PCDHGB3: variants seen among roughly 807,000 people sequenced by gnomAD.
The protein encoded by PCDHGB3 is protocadherin gamma-B3.
Under a neutral mutation model 59.2 loss-of-function variants are expected in PCDHGB3, and 40 were observed. The ratio of observed to expected loss-of-function variants is 0.68; its 90% CI spans 0.52 to 0.88. PCDHGB3 has a LOEUF of 0.88. Among genes scored for constraint, PCDHGB3 ranks in the 40% least tolerant of loss-of-function variants. The probability of loss-of-function intolerance (pLI) is 0.00; values close to 1 mark genes in which losing one functional copy is unlikely to be tolerated. For missense variants in PCDHGB3, 1,309 were observed against 1,187.9 expected (o/e 1.10, Z -1.50); for synonymous variants, 581 against 503.6 (o/e 1.15, Z -2.06).
intron 1 of PCDHGB3, among the ~76,000 whole-genome samples, chr5:141,466,735 T>C (rs2099128254): frequency 6.6e-6 from 1 of 152,224 alleles, no homozygotes; most frequent in South Asian, 2.1e-4. Context: ...GCAGAATTCA[T>C]GTTACTCTGA....
intron 1 of PCDHGB3, among the ~76,000 whole-genome samples, chr5:141,436,122 C>T (rs909678739): frequency 4.6e-5 from 7 of 152,128 alleles, no homozygotes; most frequent in African/African-American, 7.2e-5. Flanking sequence ...AACCTCTCTC[C>T]TCCATCATCT....
At position 141,423,537 on chromosome 5, in the gene PCDHGB3, T is replaced by A. The variant is rs201034039; in HGVS notation, c.2415+50728T>A. 1.4e-4 allele frequency: 225 copies of A among 1,613,694 alleles called. 2 individuals carry two copies. In the South Asian group the frequency reaches 2.3e-3, roughly 16 times the overall value. On this transcript the variant is annotated intron_variant, in intron 1 of 3. Coordinates refer to ENST00000576222, the MANE Select transcript of PCDHGB3 (RefSeq NM_018924.5). ...CGGACTCGCAGAAGAGTCACCTGAT[T>A]TTCCCCCAGCCCAACTATGGGGACA...
intron 3 of PCDHGB3, among the ~76,000 whole-genome samples, chr5:141,510,214 A>G (rs1047332886): frequency 6.6e-6 from 1 of 151,406 alleles, no homozygotes; most frequent in Non-Finnish European, 1.5e-5. Context: ...CAGAGGTTGC[A>G]GTGAGCCGGG....
chr5:141,474,981 G>A (rs1336399018), intron 1 of PCDHGB3, among the ~76,000 whole-genome samples: 1 of 152,126 alleles, frequency 6.6e-6, no homozygotes, highest in African/African-American at 2.4e-5. Context: ...ATTTTGTTTG[G>A]TGACAACAAT....
chr5:141,403,109 G>T, intron 1 of PCDHGB3: 2 of 1,614,074 alleles, frequency 1.2e-6, no homozygotes, highest in Non-Finnish European at 1.7e-6. Flanking sequence ...CAAGGACCTG[G>T]CTCTGGAGCC....
chr5:141,506,584 G>A (rs1413313164), intron 3 of PCDHGB3, among the ~76,000 whole-genome samples: 1 of 152,098 alleles, frequency 6.6e-6, no homozygotes, highest in African/African-American at 2.4e-5. Context: ...ACTATTAATG[G>A]GCACAGTATT....
rs191165530 is a variant in PCDHGB3 at position 141,439,134 on chromosome 5, A to T, written c.2416-55673A>T. On this transcript the variant is annotated intron_variant, in intron 1 of 3. Coordinates refer to ENST00000576222, the MANE Select transcript of PCDHGB3 (RefSeq NM_018924.5). The stretch of plus-strand genomic sequence containing the variant: ...CTTGAACCCGGGAGACAGAGGTTGC[A>T]GTGAGCTGAGATCACGCCACTGCAC... Among the ~76,000 whole-genome samples the T allele has an allele frequency of 2.4e-3, 368 of 151,344 alleles. 1 individual carries two copies. Among genetic ancestry groups the T allele is most frequent in the African/African-American group, 8.5e-3 (349 of 41,216 alleles).
intron 2 of PCDHGB3, among the ~76,000 whole-genome samples, chr5:141,499,016 GGAAGGAA>G (rs2099788564): frequency 7.0e-6 from 1 of 143,496 alleles, no homozygotes; most frequent in Non-Finnish European, 1.5e-5. Flanking sequence ...AAGGAAGGAA[GGAAGGAA>G]GGAAGAAAAG....
intron 1 of PCDHGB3, chr5:141,403,427 G>T: frequency 6.2e-7 from 1 of 1,614,026 alleles, no homozygotes; most frequent in Non-Finnish European, 8.5e-7. Context: ...AGAAGCTATT[G>T]ATCCGGATGT....
At chr5:141,428,836 C>T (rs926107154) in intron 1 of PCDHGB3, 1 of 150,686 alleles carries the variant, frequency 6.6e-6, no homozygotes, top group African/African-American at 2.5e-5. Context: ...ATTTTTGAAA[C>T]ATTTTCACCA....
intron 1 of PCDHGB3, among the ~76,000 whole-genome samples, chr5:141,443,829 A>G (rs1387307023): frequency 6.6e-6 from 1 of 152,228 alleles, no homozygotes; most frequent in Non-Finnish European, 1.5e-5. Flanking sequence ...ATAATTAGGT[A>G]AAATGGGTAA....
At chr5:141,393,524 C>T (rs1197723193) in intron 1 of PCDHGB3, 4 of 1,614,010 alleles carry the variant, frequency 2.5e-6, no homozygotes, top group South Asian at 2.2e-5. Context: ...ATACAAATGA[C>T]AATGCCCCGG....
intron 1 of PCDHGB3, chr5:141,419,926 G>T: frequency 6.2e-7 from 1 of 1,614,096 alleles, no homozygotes; most frequent in South Asian, 1.1e-5. Flanking sequence ...CTGAGATGCA[G>T]TTTTACCTGG....
In PCDHGB3 at chr5:141,490,309, A is replaced by G. The variant is rs1485303337; in HGVS notation, c.2416-4498A>G. On this transcript the variant is annotated intron_variant, in intron 1 of 3. Transcript: ENST00000576222. The surrounding 1 kb of genome is among the most constrained non-coding windows in gnomAD (Gnocchi z 5.4). ...AGAGGTGCTATTGGCCTCTTTGGCCAACCCTGTCCTAGAGAGCACACCAGT... is the reference window on the plus strand; with the variant it reads ...AGAGGTGCTATTGGCCTCTTTGGCCGACCCTGTCCTAGAGAGCACACCAGT... The G allele has an allele frequency of 2.8e-5, 46 of 1,614,126 alleles. No homozygotes were observed. Among genetic ancestry groups the G allele is most frequent in the Non-Finnish European group, 3.8e-5 (45 of 1,180,056 alleles).
intron 1 of PCDHGB3, among the ~76,000 whole-genome samples, chr5:141,435,651 C>T (rs762264332): frequency 1.4e-4 from 22 of 152,044 alleles, no homozygotes; most frequent in Non-Finnish European, 2.9e-4. Flanking sequence ...ATTTCTGAAA[C>T]GTGCACAGAT....
At chr5:141,423,219 T>C (rs775170753) in intron 1 of PCDHGB3, 3 of 1,613,752 alleles carry the variant, frequency 1.9e-6, no homozygotes, top group Admixed American at 1.7e-5. Flanking sequence ...TCACCGTGGC[T>C]GTGGCCGACA....
At chr5:141,404,333 C>G (rs181615917) in intron 1 of PCDHGB3, 10 of 1,613,736 alleles carry the variant, frequency 6.2e-6, no homozygotes, top group Non-Finnish European at 8.5e-6. Flanking sequence ...CTCAGTCTAC[C>G]TCCCGGAAAA....
intron 1 of PCDHGB3, chr5:141,383,379 A>G: frequency 6.2e-7 from 1 of 1,614,052 alleles, no homozygotes; most frequent in Non-Finnish European, 8.5e-7. Context: ...CTGGGGATCC[A>G]GATGTGGGCA....
At chr5:141,453,430 C>A (rs1043851647) in intron 1 of PCDHGB3, among the ~76,000 whole-genome samples, 1 of 152,018 alleles carries the variant, frequency 6.6e-6, no homozygotes, top group Non-Finnish European at 1.5e-5. Flanking sequence ...CCACACCTAG[C>A]CTAGTATTCT....
Sources: allele counts gnomAD v4.1 joint callset (sites outside exome capture counted in the v4.1 genomes callset), GRCh38; gene constraint gnomAD v4.1.1; non-coding constraint Gnocchi (gnomAD v3.1); transcripts MANE v1.5; gene names NCBI Gene and HGNC (gene_info 2026-07-23, HGNC 2026-07-21).